CHM: variants seen among roughly 807,000 people sequenced by gnomAD.
The protein encoded by CHM is CHM Rab escort protein.
Under a neutral mutation model 49.0 loss-of-function variants are expected in CHM, and 10 were observed. The ratio of observed to expected loss-of-function variants is 0.20; its 90% CI spans 0.13 to 0.35. CHM has a LOEUF of 0.35. CHM is among the 10% of genes least tolerant of loss of function. CHM has a pLI of 1.00. For synonymous variants in CHM, 184 were observed against 167.5 expected, an observed-to-expected ratio of 1.10 and a Z score of -0.76; for missense variants, 455 against 478.4, an observed-to-expected ratio of 0.95 and a Z score of 0.46.
At chrX:85,972,641 G>A (rs1032680165) in intron 4 of CHM, among the ~76,000 whole-genome samples, 4 of 112,809 alleles carry the variant, frequency 3.5e-5, no homozygotes, top group African/African-American at 6.4e-5. Context: ...AGGGCTGGCC[G>A]GCCGCTCCGA....
chrX:85,922,307 TC>T (rs1385896731), intron 8 of CHM, among the ~76,000 whole-genome samples: 1 of 112,510 alleles, frequency 8.9e-6, no homozygotes, highest in East Asian at 2.8e-4. Flanking sequence ...ATGCTAACAT[TC>T]CCCCCTTTTT....
At chrX:85,916,987 T>C (rs781067143) in intron 8 of CHM, among the ~76,000 whole-genome samples, 10 of 112,361 alleles carry the variant, frequency 8.9e-5, no homozygotes, top group Non-Finnish European at 1.7e-4. Flanking sequence ...AAAGACAACA[T>C]ACACATGAAT....
intron 1 of CHM, among the ~76,000 whole-genome samples, chrX:86,030,250 C>G (rs1012510513): frequency 2.7e-5 from 3 of 112,644 alleles, no homozygotes; most frequent in African/African-American, 9.7e-5. Context: ...TTCCTTAATA[C>G]TTCCATCCAA....
intron 9 of CHM, among the ~76,000 whole-genome samples, chrX:85,906,453 C>A (rs775497310): frequency 8.9e-6 from 1 of 111,823 alleles, no homozygotes; most frequent in African/African-American, 3.2e-5. Context: ...TTAGTTAATA[C>A]TTATAATAAC....
chrX:85,977,865 C>T (rs1301176590), intron 4 of CHM, among the ~76,000 whole-genome samples: 3 of 95,660 alleles, frequency 3.1e-5, no homozygotes, highest in Non-Finnish European at 6.9e-5. Context: ...ATGCTACTTA[C>T]ATGGAAGATA....
At chrX:85,868,939 C>T (rs1923879737) in intron 14 of CHM, among the ~76,000 whole-genome samples, 1 of 111,962 alleles carries the variant, frequency 8.9e-6, no homozygotes, top group Admixed American at 9.5e-5. Context: ...TTTACTAATA[C>T]CTGTTTATTT....
chrX:85,947,360 C>G (rs762721502), intron 8 of CHM, among the ~76,000 whole-genome samples: 1 of 111,806 alleles, frequency 8.9e-6, no homozygotes, highest in South Asian at 3.8e-4. Flanking sequence ...GCACCATCAC[C>G]TTGGTGCTGC....
At chrX:85,999,872 G>A (rs1370395655) in intron 2 of CHM, among the ~76,000 whole-genome samples, 1 of 111,794 alleles carries the variant, frequency 8.9e-6, no homozygotes, top group Non-Finnish European at 1.9e-5. Context: ...ACAATGAAGT[G>A]ACTATTTTGA....
At position 85,884,680 on chromosome X, in the gene CHM, A is replaced by C. The variant is rs747194087; in HGVS notation, c.1511-5617T>G. Among the ~76,000 whole-genome samples, 26 of 111,488 alleles carry C rather than the reference A, an allele frequency of 2.3e-4. 1 individual carries two copies. Among genetic ancestry groups the C allele is most frequent in the Middle Eastern group, 4.6e-3 (1 of 216 alleles). ...ATTTTACAAATTCTAAATCAAACCAAATTTAAGGCAATGTGACATCTATGA... is the reference window on the plus strand; with the variant it reads ...ATTTTACAAATTCTAAATCAAACCACATTTAAGGCAATGTGACATCTATGA... On this transcript the variant is annotated intron_variant, in intron 12 of 14. Coordinates refer to ENST00000357749, the MANE Select transcript of CHM (RefSeq NM_000390.4).
At chrX:85,874,312 T>G (rs775038561) in intron 13 of CHM, among the ~76,000 whole-genome samples, 15 of 111,880 alleles carry the variant, frequency 1.3e-4, no homozygotes, top group Admixed American at 2.8e-4. Flanking sequence ...ATTCATTGAC[T>G]AGAGAGTTTT....
chrX:85,902,773 C>G (rs1045222627), intron 9 of CHM, among the ~76,000 whole-genome samples: 3 of 111,845 alleles, frequency 2.7e-5, no homozygotes, highest in Non-Finnish European at 5.7e-5. Flanking sequence ...GTGCTTCAGG[C>G]AATTGAGAAG....
At chrX:85,941,558 G>T (rs1045830735) in intron 8 of CHM, among the ~76,000 whole-genome samples, 1 of 111,344 alleles carries the variant, frequency 9.0e-6, no homozygotes, top group African/African-American at 3.3e-5. Flanking sequence ...TAATACTGGG[G>T]TTTTTTAAAA....
intron 2 of CHM, among the ~76,000 whole-genome samples, chrX:86,011,270 T>C (rs1027008017): frequency 9.0e-6 from 1 of 110,997 alleles, no homozygotes; most frequent in Non-Finnish European, 1.9e-5. Context: ...AAGAGAAAAA[T>C]TGATACTACC....
At chrX:86,015,489 C>A (rs761416584) in intron 2 of CHM, among the ~76,000 whole-genome samples, 1 of 111,408 alleles carries the variant, frequency 9.0e-6, no homozygotes, top group Non-Finnish European at 1.9e-5. Context: ...GAAAGATACT[C>A]GAAAATGTGG....
intron 2 of CHM, among the ~76,000 whole-genome samples, chrX:86,005,557 G>A (rs936511698): frequency 9.0e-6 from 1 of 111,376 alleles, no homozygotes; most frequent in Non-Finnish European, 1.9e-5. Context: ...TCAAATAGAC[G>A]CAATAAAAAC....
intron 2 of CHM, among the ~76,000 whole-genome samples, chrX:86,021,953 C>CTT (rs1220599604): frequency 1.8e-5 from 2 of 111,793 alleles, no homozygotes; most frequent in Admixed American, 9.5e-5. Flanking sequence ...CATAAGTACA[C>CTT]TTATATGAAT....
intron 12 of CHM, among the ~76,000 whole-genome samples, chrX:85,892,770 C>T (rs1322793489): frequency 9.0e-6 from 1 of 111,549 alleles, no homozygotes; most frequent in Non-Finnish European, 1.9e-5. Flanking sequence ...ACTTTTCTGC[C>T]TGACCACATG....
intron 14 of CHM, among the ~76,000 whole-genome samples, chrX:85,872,574 C>T (rs1050091734): frequency 1.1e-4 from 12 of 111,491 alleles, no homozygotes; most frequent in Admixed American, 4.8e-4. Context: ...TGTAAAACTA[C>T]GCTATAACTT....
chrX:86,007,235 C>T (rs1357580878), intron 2 of CHM, among the ~76,000 whole-genome samples: 1 of 112,088 alleles, frequency 8.9e-6, no homozygotes, highest in Non-Finnish European at 1.9e-5. Flanking sequence ...GGATCCCTTC[C>T]TTACGCCTTA....
Sources: allele counts gnomAD v4.1 joint callset (sites outside exome capture counted in the v4.1 genomes callset), GRCh38; gene constraint gnomAD v4.1.1; transcripts MANE v1.5; gene names NCBI Gene and HGNC (gene_info 2026-07-23, HGNC 2026-07-21).